TMEM181: variants seen among roughly 807,000 people sequenced by gnomAD.
TMEM181 encodes the protein G protein-coupled receptor 178.
Under a neutral mutation model 71.9 loss-of-function variants are expected in TMEM181, and 39 were observed. The observed-to-expected ratio is 0.54, with a 90% CI of 0.42 to 0.71. The LOEUF (loss-of-function observed/expected upper bound fraction) is 0.71. TMEM181 is among the 30% of genes least tolerant of loss of function. The pLI is 0.00. For missense variants in TMEM181, 595 were observed against 583.0 expected (o/e 1.02, Z -0.21); for synonymous variants, 245 against 228.8 (o/e 1.07, Z -0.64).
intron 10 of TMEM181, among the ~76,000 whole-genome samples, chr6:158,613,946 A>G (rs1241931312): frequency 6.6e-6 from 1 of 152,222 alleles, no homozygotes; most frequent in Non-Finnish European, 1.5e-5. Flanking sequence ...CAGAAACACA[A>G]TTGACAAATA....
chr6:158,610,104 C>T (rs1214724405), intron 10 of TMEM181: 1 of 220,616 alleles, frequency 4.5e-6, no homozygotes, highest in Non-Finnish European at 9.6e-6. Flanking sequence ...CAGAGGATCA[C>T]CAAAGCTTCT....
At chr6:158,588,925 C>T (rs73796517) in intron 5 of TMEM181, among the ~76,000 whole-genome samples, 14 of 152,126 alleles carry the variant, frequency 9.2e-5, no homozygotes, top group Non-Finnish European at 1.6e-4. Flanking sequence ...AAGGCAGGGC[C>T]GGGGCAGAGC....
intron 1 of TMEM181, among the ~76,000 whole-genome samples, chr6:158,570,092 A>G (rs1562625912): frequency 6.6e-6 from 1 of 151,982 alleles, no homozygotes; most frequent in East Asian, 1.9e-4. Flanking sequence ...GGAGCTCCAT[A>G]GTCTTGGGAC....
At chr6:158,605,054 C>T (rs1269229034) in intron 6 of TMEM181, among the ~76,000 whole-genome samples, 1 of 147,470 alleles carries the variant, frequency 6.8e-6, no homozygotes, top group Admixed American at 6.9e-5. Flanking sequence ...GCGGAGGTTG[C>T]AGTGAGCGAA....
intron 1 of TMEM181, among the ~76,000 whole-genome samples, chr6:158,569,150 T>C (rs1449028466): frequency 6.6e-6 from 1 of 152,164 alleles, no homozygotes; most frequent in Non-Finnish European, 1.5e-5. Context: ...TTCAGAACTT[T>C]TAGATTGGAA....
At chr6:158,629,463 G>A (rs912846247) in intron 14 of TMEM181, among the ~76,000 whole-genome samples, 1 of 152,052 alleles carries the variant, frequency 6.6e-6, no homozygotes, top group Admixed American at 6.6e-5. Context: ...TGACAGGAGC[G>A]CCACCAGATG....
upstream of TMEM181, among the ~76,000 whole-genome samples, chr6:158,556,225 G>T (rs1781883656): frequency 6.6e-6 from 1 of 152,210 alleles, no homozygotes; most frequent in Admixed American, 6.5e-5. Flanking sequence ...GAGGGAGCGT[G>T]GGCCTGAGAG....
intron 7 of TMEM181, among the ~76,000 whole-genome samples, chr6:158,606,837 C>A (rs1784984018): frequency 6.6e-6 from 1 of 152,242 alleles, no homozygotes; most frequent in Admixed American, 6.5e-5. Flanking sequence ...GCTCCTGTCA[C>A]ACCCACAGAT....
At chr6:158,611,008 C>T in intron 10 of TMEM181, 1 of 445,816 alleles carries the variant, frequency 2.2e-6, no homozygotes, top group South Asian at 1.9e-5. Context: ...TGCTCCATCA[C>T]CACCTCCCTA....
At chr6:158,556,851 C>T (rs1781908027), upstream of TMEM181, among the ~76,000 whole-genome samples, 1 of 152,088 alleles carries the variant, frequency 6.6e-6, no homozygotes, top group Non-Finnish European at 1.5e-5. Flanking sequence ...TAACCTCTGC[C>T]TCCTGGGTTC....
chr6:158,570,839 T>C (rs538738863), intron 1 of TMEM181, among the ~76,000 whole-genome samples: 6 of 152,026 alleles, frequency 3.9e-5, no homozygotes, highest in Non-Finnish European at 8.8e-5. Flanking sequence ...TAGCTTTGTG[T>C]CATTTTTTTT....
intron 10 of TMEM181, among the ~76,000 whole-genome samples, chr6:158,614,874 A>T (rs528577708): frequency 1.3e-3 from 195 of 152,212 alleles, no homozygotes; most frequent in African/African-American, 4.6e-3. Flanking sequence ...CATTTTCTTA[A>T]TCCAGTCTAT....
intron 6 of TMEM181, among the ~76,000 whole-genome samples, chr6:158,603,547 G>C (rs1583018095): frequency 6.6e-6 from 1 of 150,860 alleles, no homozygotes; most frequent in East Asian, 1.9e-4. Flanking sequence ...GCCACTTGAA[G>C]TTGTCCAAAG....
Position 158,596,379 on chromosome 6 carries a change from T to G in TMEM181, c.492+6597T>G, listed in dbSNP as rs368821860. 1.1e-4 allele frequency among the ~76,000 whole-genome samples: 16 copies of G among 152,318 alleles called. No homozygotes were observed. In the East Asian group the frequency reaches 2.3e-3, roughly 22 times the overall value. ...TGTGTGGCTGGCTGTACTGACACAA[T>G]CAACCTTTGAGGGTTTCTGTTGCTT... On this transcript the variant is annotated intron_variant, in intron 6 of 16. Coordinates refer to ENST00000684151, the MANE Select transcript of TMEM181 (RefSeq NM_001376852.1).
chr6:158,623,680 T>TA, intron 11 of TMEM181, 73 bp downstream of exon 11: 1 of 1,120,656 alleles, frequency 8.9e-7, no homozygotes, highest in African/African-American at 1.5e-5. Context: ...TTTTGTGACT[T>TA]AAATTGTTCT....
At chr6:158,618,357 C>G (rs1785742667) in intron 10 of TMEM181, among the ~76,000 whole-genome samples, 1 of 152,074 alleles carries the variant, frequency 6.6e-6, no homozygotes, top group African/African-American at 2.4e-5. Flanking sequence ...AGATATTCAT[C>G]CATCCCTTTA....
At chr6:158,626,348 G>T (rs1786274492) in intron 13 of TMEM181, 1 of 456,070 alleles carries the variant, frequency 2.2e-6, no homozygotes. Context: ...CCAGGTAATT[G>T]CTTGGTGGTT....
At chr6:158,567,960 G>A (rs552561390) in intron 1 of TMEM181, among the ~76,000 whole-genome samples, 2 of 152,288 alleles carry the variant, frequency 1.3e-5, no homozygotes, top group African/African-American at 4.8e-5. Flanking sequence ...GGCACTGTAC[G>A]CTTCCTGAGC....
chr6:158,602,982 A>C (rs4709232), intron 6 of TMEM181, among the ~76,000 whole-genome samples: 76,065 of 151,724 alleles, frequency 0.5, 20,388 homozygotes, highest in East Asian at 0.75. Flanking sequence ...TCTTCGTCTA[A>C]TGTAATAATG....
Sources: allele counts gnomAD v4.1 joint callset (sites outside exome capture counted in the v4.1 genomes callset), GRCh38; gene constraint gnomAD v4.1.1; transcripts MANE v1.5; gene names NCBI Gene and HGNC (gene_info 2026-07-23, HGNC 2026-07-21).